KIFC1: variants seen among roughly 807,000 people sequenced by gnomAD.
KIFC1 encodes the protein kinesin-like protein KIFC1.
Under a neutral mutation model 66.6 loss-of-function variants are expected in KIFC1, and 37 were observed. The observed-to-expected ratio is 0.56, with a 90% confidence interval of 0.43 to 0.73. KIFC1 has a LOEUF of 0.73. Ranked by LOEUF, KIFC1 falls within the 30% of genes least tolerant of loss-of-function variation. The probability of loss-of-function intolerance (pLI) is 0.00; values close to 1 mark genes in which losing one functional copy is unlikely to be tolerated. For missense variants in KIFC1, 721 were observed against 859.8 expected (o/e 0.84, Z 2.02); for synonymous variants, 325 against 343.5 (o/e 0.95, Z 0.60).
chr6:33,393,852 T>G (rs1247995944), intron 1 of KIFC1, among the ~76,000 whole-genome samples: 2 of 151,118 alleles, frequency 1.3e-5, no homozygotes, highest in Non-Finnish European at 2.9e-5. Context: ...GTTCAGGCGA[T>G]TCTCCTGCCT....
In KIFC1 at chr6:33,403,984, A is replaced by G. The variant is rs1258290850; in HGVS notation, c.611A>G (p.Gln204Arg). ...KVQAQAEQGQ[Q>R]ELKNLRACVL... ...CAGGCCCAGGCTGAGCAGGGCCAACAGGAGCTGAAGAACTTGCGTGCTTGT... is the reference window on the plus strand; with the variant it reads ...CAGGCCCAGGCTGAGCAGGGCCAACGGGAGCTGAAGAACTTGCGTGCTTGT... The change falls in exon 6 of 11, where the codon CAG becomes CGG. Residue 204 changes from glutamine (Q) to arginine (R), a missense_variant. By Grantham distance (43) the Gln-to-Arg change is conservative. Coordinates refer to ENST00000428849, the MANE Select transcript of KIFC1 (RefSeq NM_002263.4). The surrounding 1 kb of genome is among the most constrained non-coding windows in gnomAD (Gnocchi z 4.6). 2 of 1,614,252 alleles carry G rather than the reference A, an allele frequency of 1.2e-6. No individual in the cohort carries two copies. Among genetic ancestry groups the G allele is most frequent in the East Asian group, 4.5e-5 (2 of 44,890 alleles).
At chr6:33,391,710 C>T (rs561253813), upstream of KIFC1, 13 of 593,880 alleles carry the variant, frequency 2.2e-5, no homozygotes, top group East Asian at 2.0e-4. Flanking sequence ...AGGCGCCTGT[C>T]GGGCGGGGTG....
In KIFC1 at chr6:33,404,557, T is replaced by C. The variant is rs1316070165; in HGVS notation, c.757-295T>C. ...ACTTCTGGGCATTCTGCATATGTGC[T>C]TCCCTCTTTCTGGAATGTTCTTTGT... is the stretch of plus-strand genomic sequence containing the variant. On this transcript the variant is annotated intron_variant, in intron 6 of 10. Coordinates refer to ENST00000428849, the MANE Select transcript of KIFC1 (RefSeq NM_002263.4). The surrounding 1 kb of genome is among the most constrained non-coding windows in gnomAD (Gnocchi z 4.0). 6.6e-6 allele frequency among the ~76,000 whole-genome samples: 1 copy of C among 152,180 alleles called. No homozygotes were observed. Among genetic ancestry groups the C allele is most frequent in the East Asian group, 1.9e-4 (1 of 5,192 alleles).
At position 33,406,403 on chromosome 6, in the gene KIFC1, G is replaced by A. The variant is rs1452350826; in HGVS notation, c.1744G>A (p.Glu582Lys). Residue 582 changes from glutamate (E) to lysine (K), a missense_variant, in exon 8 of 11, where the codon GAG (glutamate) becomes AAG (lysine). Coordinates refer to ENST00000428849, the MANE Select transcript of KIFC1 (RefSeq NM_002263.4). This position sits in a 1 kb window ranked among gnomAD's most constrained non-coding sequence, Gnocchi z 4.5. Reference protein sequence around the residue: ...LDPGLALGPGERERLRETQAI... With the variant: ...LDPGLALGPGKRERLRETQAI... ...CCCCGGCTTAGCCCTCGGCCCCGGGGAGCGGGAACGCCTTCGGGAAACACA... is the reference window on the plus strand; with the variant it reads ...CCCCGGCTTAGCCCTCGGCCCCGGGAAGCGGGAACGCCTTCGGGAAACACA... 4 of 1,610,214 alleles carry A rather than the reference G, an allele frequency of 2.5e-6. No homozygotes were observed. The highest frequency in any genetic ancestry group is 1.3e-5 in the African/African-American group (1 of 74,850).
Position 33,404,201 on chromosome 6 carries a change from G to GTA in KIFC1, c.756+73_756+74dup. 1 of 1,475,472 alleles carries GTA rather than the reference G, an allele frequency of 6.8e-7. No individual in the cohort carries two copies. Among genetic ancestry groups the GTA allele is most frequent in the Non-Finnish European group, 9.2e-7 (1 of 1,085,688 alleles). The allele number at this position is 1,475,472 out of a possible 1,614,324, so 91.4% of individuals were successfully genotyped here. A position where few individuals can be genotyped will look rare whatever the true frequency, so the allele number is the denominator to read the frequency against. ...AGGTCATGCCTCCCCTCCCTTCCAG[G>GTA]TACCCCTCAAGTCTGGGCTGAGAAC... On this transcript the variant is annotated intron_variant, in intron 6 of 10. Coordinates refer to ENST00000428849, the MANE Select transcript of KIFC1 (RefSeq NM_002263.4). This position sits in a 1 kb window ranked among gnomAD's most constrained non-coding sequence, Gnocchi z 4.0.
At chr6:33,395,487 C>T (rs1407012219) in intron 1 of KIFC1, among the ~76,000 whole-genome samples, 1 of 152,012 alleles carries the variant, frequency 6.6e-6, no homozygotes, top group Non-Finnish European at 1.5e-5. Context: ...CACCTCTGAT[C>T]TTGTGGTGAG....
intron 1 of KIFC1, among the ~76,000 whole-genome samples, chr6:33,394,251 T>A (rs1349975327): frequency 6.6e-6 from 1 of 152,182 alleles, no homozygotes; most frequent in East Asian, 1.9e-4. Flanking sequence ...GTCAGGGTGA[T>A]AGCAGTGGAA....
At chr6:33,407,160 A>C in intron 10 of KIFC1, 5 of 1,006,904 alleles carry the variant, frequency 5.0e-6, no homozygotes, top group African/African-American at 1.6e-5. Context: ...TATAATCCGA[A>C]CACTTCGGGA....
Position 33,406,656 on chromosome 6 carries a change from G to A in KIFC1, c.1892G>A (p.Ser631Asn). Residue 631 changes from serine to asparagine, a missense_variant, in exon 9 of 11, where the codon AGT becomes AAT. Physicochemically the swap from Ser to Asn is conservative, Grantham distance 46. Coordinates refer to ENST00000428849, the MANE Select transcript of KIFC1 (RefSeq NM_002263.4). The surrounding 1 kb of genome is among the most constrained non-coding windows in gnomAD (Gnocchi z 4.5). ...CTGCTGCAGAACTCTCTGGGTGGTA[G>A]TGCTAAGATGTGAGTGAAAGGGACA... is the stretch of plus-strand genomic sequence containing the variant. ...TYLLQNSLGGSAKMLMFVNIS... is the reference protein window; with the variant it reads ...TYLLQNSLGGNAKMLMFVNIS... 1 of 1,614,188 alleles carries A rather than the reference G, an allele frequency of 6.2e-7. No homozygotes were observed. Among genetic ancestry groups the A allele is most frequent in the Non-Finnish European group, 8.5e-7 (1 of 1,180,026 alleles).
At chr6:33,392,133 C>G (rs1774818519) in intron 1 of KIFC1, 136 bp downstream of exon 1, 1 of 1,008,936 alleles carries the variant, frequency 9.9e-7, no homozygotes, top group Non-Finnish European at 1.4e-6. Context: ...CGCCCCCGCA[C>G]AAGTGGAAAG....
At chr6:33,407,090 T>TA (rs35560427) in intron 10 of KIFC1, 3,216 of 1,303,682 alleles carry the variant, frequency 2.5e-3, no homozygotes, top group East Asian at 3.5e-3. Context: ...GAAAGCTGAT[T>TA]AAAAAAAAAA....
intron 1 of KIFC1, among the ~76,000 whole-genome samples, chr6:33,396,984 G>GTTTT (rs1554298437): frequency 8.0e-5 from 6 of 75,248 alleles, no homozygotes; most frequent in African/African-American, 2.8e-4. Flanking sequence ...GCCTGGCCAA[G>GTTTT]TTCTTTTTTT....
At position 33,403,475 on chromosome 6, in the gene KIFC1, A is replaced by T. The variant is rs765765996; in HGVS notation, c.305-10A>T. On this transcript the variant is annotated splice_polypyrimidine_tract_variant and intron_variant, in intron 4 of 10. Coordinates refer to ENST00000428849, the MANE Select transcript of KIFC1 (RefSeq NM_002263.4). The surrounding 1 kb of genome is among the most constrained non-coding windows in gnomAD (Gnocchi z 4.6). The stretch of plus-strand genomic sequence containing the variant: ...CCTGTAATTCCTAAGTCACCTCCTC[A>T]ATTCTGTAGGGTTGAAGAACCAGAA... The T allele has an allele frequency of 1.2e-6, 2 of 1,614,036 alleles. No individual in the cohort carries two copies. Among genetic ancestry groups the T allele is most frequent in the Admixed American group, 3.3e-5 (2 of 60,024 alleles).
At position 33,404,848 on chromosome 6, in the gene KIFC1, G is replaced by A. The variant is rs1775558384; in HGVS notation, c.757-4G>A. ...CTGTGTATGTTGTGTTCTCTTCTGG[G>A]CAGAGGAGGCTGCAGACATCAGAAG... On this transcript the variant is annotated splice_region_variant and splice_polypyrimidine_tract_variant and intron_variant, in intron 6 of 10. Coordinates refer to ENST00000428849, the MANE Select transcript of KIFC1 (RefSeq NM_002263.4). The surrounding 1 kb of genome is among the most constrained non-coding windows in gnomAD (Gnocchi z 4.0). The A allele has an allele frequency of 3.1e-6, 5 of 1,601,102 alleles. No individual in the cohort carries two copies. The East Asian group carries it at 1.1e-4, about 36-fold the overall frequency.
At chr6:33,407,127 G>T in intron 10 of KIFC1, 1 of 1,312,942 alleles carries the variant, frequency 7.6e-7, no homozygotes. Flanking sequence ...GGTCTAAACT[G>T]GTTGGGCGTA....
At chr6:33,402,568 A>G (rs1004436256) in intron 3 of KIFC1, among the ~76,000 whole-genome samples, 1 of 141,198 alleles carries the variant, frequency 7.1e-6, no homozygotes, top group African/African-American at 2.5e-5. Flanking sequence ...CTAAAAATAC[A>G]AAAAAAAAAA....
intron 1 of KIFC1, among the ~76,000 whole-genome samples, chr6:33,393,312 T>C (rs960532262): frequency 6.6e-6 from 1 of 152,142 alleles, no homozygotes; most frequent in African/African-American, 2.4e-5. Context: ...TCACAGTTTG[T>C]CCTTGTGGGG....
Position 33,409,684 on chromosome 6 carries a change from G to A in KIFC1, c.2016G>A (p.Arg672=), listed in dbSNP as rs2151097487. 1 of 1,593,146 alleles carries A rather than the reference G, an allele frequency of 6.3e-7. No individual in the cohort carries two copies. The highest frequency in any genetic ancestry group is 8.5e-7 in the Non-Finnish European group (1 of 1,169,970). ...QCVIGTAQAN[R]K ...TTATTGGTACTGCTCAGGCCAACAG[G>A]AAGTGAAGACGGATCCAGATCTGTG... Residue 672 remains arginine (R), a synonymous_variant, in exon 11 of 11, where the codon AGG becomes AGA. Transcript: ENST00000428849.
In KIFC1 at chr6:33,406,986, T is replaced by G; in HGVS notation, c.1977+111T>G. ...GGAGCACATTTGTGCAGAAAGGTTTTGCAGGTATCTGAGGCACTGCTCACC... is the reference window on the plus strand; with the variant it reads ...GGAGCACATTTGTGCAGAAAGGTTTGGCAGGTATCTGAGGCACTGCTCACC... On this transcript the variant is annotated intron_variant, in intron 10 of 10. Transcript: ENST00000428849. This position sits in a 1 kb window ranked among gnomAD's most constrained non-coding sequence, Gnocchi z 4.5. 6.6e-7 allele frequency: 1 copy of G among 1,510,234 alleles called. No homozygotes were observed. The highest frequency in any genetic ancestry group is 8.9e-7 in the Non-Finnish European group (1 of 1,127,222). The allele number at this position is 1,510,234 out of a possible 1,614,324, so 93.6% of individuals were successfully genotyped here.
Sources: gnomAD v4.1 joint callset for allele counts (sites outside exome capture counted in the v4.1 genomes callset) on GRCh38, gnomAD v4.1.1 for gene constraint, Gnocchi (gnomAD v3.1) non-coding constraint, MANE v1.5 for transcripts, NCBI Gene and HGNC (gene_info 2026-07-23, HGNC 2026-07-21) for gene names.